The following SNX19 variants were observed in gnomAD, a reference collection of about 807,000 sequenced individuals.
SNX19 encodes sorting nexin-19.
A neutral mutation model predicts 85.2 loss-of-function variants in SNX19; 60 were observed. The ratio of observed to expected loss-of-function variants is 0.70; its 90% CI spans 0.57 to 0.87. SNX19 has a LOEUF of 0.87. Ranked by LOEUF, SNX19 falls within the 40% of genes least tolerant of loss-of-function variation. The pLI is 0.00. For synonymous variants in SNX19, 520 were observed against 470.0 expected (o/e 1.11, Z -1.38); for missense variants, 1,201 against 1,217.8 (o/e 0.99, Z 0.21).
In SNX19 at chr11:130,874,899, CT is replaced by C. The variant is rs2135257804; in HGVS notation, c.*3522del. On this transcript the variant is annotated 3_prime_UTR_variant, in exon 11 of 11. Coordinates refer to ENST00000265909, the MANE Select transcript of SNX19 (RefSeq NM_014758.3). ...GAGAGGATGTGGAGAAACTGGAACCCTTGTACATTGTTGGTGGGAATGTAAA... is the reference window on the plus strand; with the variant it reads ...GAGAGGATGTGGAGAAACTGGAACCCTGTACATTGTTGGTGGGAATGTAAA... 6.6e-6 allele frequency among the ~76,000 whole-genome samples: 1 copy of C among 152,298 alleles called. No homozygotes were observed. Among genetic ancestry groups the C allele is most frequent in the Non-Finnish European group, 1.5e-5 (1 of 68,018 alleles).
At chr11:130,897,377 C>G (rs867582669) in intron 8 of SNX19, among the ~76,000 whole-genome samples, 2 of 151,996 alleles carry the variant, frequency 1.3e-5, no homozygotes, top group African/African-American at 4.8e-5. Context: ...CTATCTTACA[C>G]ACACACACAC....
At position 130,903,361 on chromosome 11, in the gene SNX19, T is replaced by C. The variant is rs904553408; in HGVS notation, c.2467A>G (p.Thr823Ala). Reference protein sequence around the residue: ...DPGTETELADTALDLLLLLLT... With the variant: ...DPGTETELADAALDLLLLLLT... ...AGCAAGAGGAGCAGATCCAGGGCTG[T>C]GTCAGCTAACTCTGTCTCTGTTCCT... Residue 823 changes from threonine (T) to alanine (A), a missense_variant, in exon 8 of 11, where the codon ACA (threonine) becomes GCA (alanine). This residue lies in a region of SNX19 where 285 missense variants were observed against 295.3 expected (regional missense o/e 0.97). Coordinates refer to ENST00000265909, the MANE Select transcript of SNX19 (RefSeq NM_014758.3). 1.2e-6 allele frequency: 2 copies of C among 1,612,792 alleles called. No homozygotes were observed. Among genetic ancestry groups the C allele is most frequent in the Non-Finnish European group, 1.7e-6 (2 of 1,179,826 alleles).
chr11:130,911,454 T>G, intron 2 of SNX19, 179 bp downstream of exon 2: 1 of 1,424,604 alleles, frequency 7.0e-7, no homozygotes. Flanking sequence ...GGACTACCTC[T>G]GAAAGAATGT....
chr11:130,910,997 C>A (rs1946067439), intron 2 of SNX19, among the ~76,000 whole-genome samples: 1 of 151,974 alleles, frequency 6.6e-6, no homozygotes, highest in Non-Finnish European at 1.5e-5. Flanking sequence ...GAGTTCAAGA[C>A]CAGCCTGACC....
intron 7 of SNX19, among the ~76,000 whole-genome samples, chr11:130,904,941 G>A (rs1051333250): frequency 1.3e-5 from 2 of 152,176 alleles, no homozygotes; most frequent in Non-Finnish European, 2.9e-5. Context: ...AAGGGATGGG[G>A]CTGTCAACCC....
Position 130,914,378 on chromosome 11 carries a change from A to C in SNX19, c.1562T>G (p.Leu521Arg). ...LSSATFSFEP[L>R]SSPDGPVIIQ... ...GATAACTGGACCATCGGGACTGCTT[A>C]GGGGCTCAAAGCTGAAGGTGGCTGA... Residue 521 changes from leucine (L) to arginine (R), a missense_variant, in exon 1 of 11, where the codon CTA (leucine) becomes CGA (arginine). This residue lies in a region of SNX19 where 791 missense variants were observed against 750.9 expected (regional missense o/e 1.05). Coordinates refer to ENST00000265909, the MANE Select transcript of SNX19 (RefSeq NM_014758.3). The C allele has an allele frequency of 6.2e-7, 1 of 1,613,912 alleles. No homozygotes were observed. Among genetic ancestry groups the C allele is most frequent in the Non-Finnish European group, 8.5e-7 (1 of 1,179,848 alleles).
In SNX19 at chr11:130,867,469, A is replaced by T. The variant is rs994515773; in HGVS notation, c.*10953T>A. On this transcript the variant is annotated 3_prime_UTR_variant, in exon 11 of 11. Transcript: ENST00000265909. ...TCTTGGACTCCATGAAAATTTAAGG[A>T]TGTGGCTTCTTTTTCATATCTGTAT... 6.6e-6 allele frequency: 1 copy of T among 152,142 alleles called. No individual in the cohort carries two copies. The highest frequency in any genetic ancestry group is 1.5e-5 in the Non-Finnish European group (1 of 68,022). The allele number at this position is 152,142 out of a possible 1,614,324, so 9.4% of individuals were successfully genotyped here.
chr11:130,891,086 T>A (rs1218739213), intron 8 of SNX19, among the ~76,000 whole-genome samples: 2 of 152,176 alleles, frequency 1.3e-5, no homozygotes, highest in African/African-American at 4.8e-5. Context: ...ATTGAGCTCT[T>A]AATTATTCAT....
At chr11:130,911,473 C>T in intron 2 of SNX19, 160 bp downstream of exon 2, 9 of 1,455,480 alleles carry the variant, frequency 6.2e-6, no homozygotes, top group Non-Finnish European at 8.1e-6. Context: ...GTGATTGCTG[C>T]TGTCCAGCAC....
rs529469708 is a variant in SNX19, at chr11:130,915,308, T to G, written c.632A>C (p.Tyr211Ser). ...CAACAAATTCACAACGCCACGCGTATAGGTGACTTCAGCACTGGGGCTGTG... is the reference window on the plus strand; with the variant it reads ...CAACAAATTCACAACGCCACGCGTAGAGGTGACTTCAGCACTGGGGCTGTG... ...AVHSPSAEVT[Y>S]TRGVVNLLLQ... The change falls in exon 1 of 11, where the codon TAT becomes TCT. Residue 211 changes from tyrosine (Y) to serine (S), a missense_variant. Coordinates refer to ENST00000265909, the MANE Select transcript of SNX19 (RefSeq NM_014758.3). 1 of 1,614,082 alleles carries G rather than the reference T, an allele frequency of 6.2e-7. No homozygotes were observed. Among genetic ancestry groups the G allele is most frequent in the African/African-American group, 1.3e-5 (1 of 74,946 alleles).
chr11:130,888,751 A>G (rs930878441), intron 8 of SNX19, among the ~76,000 whole-genome samples: 1 of 152,196 alleles, frequency 6.6e-6, no homozygotes, highest in Non-Finnish European at 1.5e-5. Context: ...TAATGACCTT[A>G]GGTCTTTAAT....
Position 130,873,396 on chromosome 11 carries a change from G to A in SNX19, c.*5026C>T, listed in dbSNP as rs920868261. The stretch of plus-strand genomic sequence containing the variant: ...AGTTTGCTGGCTCCTATACTAGACT[G>A]TAGACTCCTTAAAAGTGAGAACCTG... On this transcript the variant is annotated 3_prime_UTR_variant, in exon 11 of 11. Transcript: ENST00000265909. Among the ~76,000 whole-genome samples the A allele has an allele frequency of 1.3e-5, 2 of 152,174 alleles. No homozygotes were observed. Among genetic ancestry groups the A allele is most frequent in the Admixed American group, 6.5e-5 (1 of 15,282 alleles).
intron 7 of SNX19, among the ~76,000 whole-genome samples, chr11:130,905,360 C>T (rs1446618013): frequency 6.6e-6 from 1 of 152,002 alleles, no homozygotes; most frequent in Non-Finnish European, 1.5e-5. Context: ...GGAAAAAAGA[C>T]AATTTCCATC....
intron 8 of SNX19, among the ~76,000 whole-genome samples, chr11:130,889,052 C>G (rs1944302277): frequency 6.6e-6 from 1 of 152,118 alleles, no homozygotes; most frequent in Admixed American, 6.5e-5. Context: ...CTGTCCCAAA[C>G]AATTACCTAC....
intron 8 of SNX19, among the ~76,000 whole-genome samples, chr11:130,886,463 T>C (rs943992156): frequency 9.2e-5 from 14 of 152,116 alleles, no homozygotes; most frequent in African/African-American, 2.7e-4. Flanking sequence ...CGAGAGAAAG[T>C]AGGAGAAGCC....
intron 5 of SNX19, 135 bp downstream of exon 5, chr11:130,907,818 A>C (rs1945788293): frequency 3.0e-6 from 4 of 1,347,526 alleles, no homozygotes; most frequent in Non-Finnish European, 3.0e-6. Flanking sequence ...CCTGGGGTCT[A>C]GCTTTGCCTA....
At chr11:130,889,789 G>A (rs1035978383) in intron 8 of SNX19, among the ~76,000 whole-genome samples, 30 of 152,080 alleles carry the variant, frequency 2.0e-4, no homozygotes, top group Non-Finnish European at 4.4e-5. Context: ...TATTCTGTCT[G>A]TGGTCAGAAG....
intron 8 of SNX19, among the ~76,000 whole-genome samples, chr11:130,897,450 T>A (rs1479561906): frequency 6.6e-6 from 1 of 152,158 alleles, no homozygotes; most frequent in Admixed American, 6.5e-5. Context: ...CAGGAATGTG[T>A]CTGCTGCCCT....
rs943897077 is a variant in SNX19, at chr11:130,910,033, G to A, written c.2019C>T (p.Val673=). 6.2e-7 allele frequency: 1 copy of A among 1,613,408 alleles called. No individual in the cohort carries two copies. Among genetic ancestry groups the A allele is most frequent in the Non-Finnish European group, 8.5e-7 (1 of 1,180,030 alleles). Residue 673 remains valine (V), a synonymous_variant, in exon 4 of 11, where the codon GTC becomes GTT. Transcript: ENST00000265909. ...CTGCTGGTACCTTGTCTATTCTAGAGACCATAAATGGTTTCTTGACAAAGG... is the reference window on the plus strand; with the variant it reads ...CTGCTGGTACCTTGTCTATTCTAGAAACCATAAATGGTTTCTTGACAAAGG... ...RIAFVKKPFM[V]SRIDKMVVSA... is the part of the protein sequence containing the mutation.
Sources: gnomAD v4.1 joint callset for allele counts (sites outside exome capture counted in the v4.1 genomes callset) on GRCh38, gnomAD v4.1.1 for gene constraint, gnomAD v4.1.1 regional missense constraint, MANE v1.5 for transcripts, NCBI Gene and HGNC (gene_info 2026-07-23, HGNC 2026-07-21) for gene names.